Variants in CFAP61 observed in about 807,000 individuals in gnomAD.
The protein encoded by CFAP61 is cilia- and flagella-associated protein 61.
CFAP61 carries 107 observed loss-of-function variants against 135.6 expected under a neutral mutation model. The ratio of observed to expected loss-of-function variants is 0.79; its 90% CI spans 0.67 to 0.93. CFAP61 has a LOEUF of 0.93. CFAP61 is among the 40% of genes least tolerant of loss of function. The pLI, the probability that CFAP61 is intolerant of heterozygous loss-of-function variation, is 0.00. For missense variants in CFAP61, 1,507 were observed against 1,556.2 expected (o/e 0.97, Z 0.53); for synonymous variants, 575 against 578.5 (o/e 0.99, Z 0.09).
Position 20,281,986 on chromosome 20 carries a change from A to G in CFAP61, c.2796+4528A>G, listed in dbSNP as rs951220116. Among the ~76,000 whole-genome samples, 9 of 152,316 alleles carry G rather than the reference A, an allele frequency of 5.9e-5. No homozygotes were observed. The East Asian group carries it at 1.7e-3, about 29-fold the overall frequency. ...TTCTGCTTCTTCTATAAATTTTTGT[A>G]AGTTGTAATTTTTAAGAAATTTGTC... is the stretch of plus-strand genomic sequence containing the variant. On this transcript the variant is annotated intron_variant, in intron 22 of 26. Transcript: ENST00000245957.
rs139505948 is a variant in CFAP61 at position 20,176,180 on chromosome 20, G to A, written c.1385+6720G>A. ...AGCATCTCATGCCAATCAGAATGGC[G>A]ATTATTAAAAAGTCAAGCAACAACA... On this transcript the variant is annotated intron_variant, in intron 13 of 26. Coordinates refer to ENST00000245957, the MANE Select transcript of CFAP61 (RefSeq NM_015585.4). Among the ~76,000 whole-genome samples, 108 of 152,148 alleles carry A rather than the reference G, an allele frequency of 7.1e-4. 1 individual carries two copies. The highest frequency in any genetic ancestry group is 2.4e-3 in the African/African-American group (101 of 41,518).
At chr20:20,060,118 A>G (rs192051836) in intron 2 of CFAP61, among the ~76,000 whole-genome samples, 104 of 152,232 alleles carry the variant, frequency 6.8e-4, no homozygotes, top group African/African-American at 2.5e-3. Context: ...ACTAAAGATT[A>G]GACTAATAGA....
chr20:20,227,695 T>C (rs1162732611), intron 17 of CFAP61, among the ~76,000 whole-genome samples: 1 of 152,200 alleles, frequency 6.6e-6, no homozygotes, highest in East Asian at 1.9e-4. Context: ...TGAATGCATT[T>C]TTGCCATTTA....
chr20:20,325,140 C>T (rs1313490703), intron 25 of CFAP61, among the ~76,000 whole-genome samples: 1 of 152,174 alleles, frequency 6.6e-6, no homozygotes, highest in Non-Finnish European at 1.5e-5. Flanking sequence ...CACATACCCT[C>T]CTCCACCCCC....
At chr20:20,213,619 G>A (rs1278639296) in intron 17 of CFAP61, among the ~76,000 whole-genome samples, 1 of 151,890 alleles carries the variant, frequency 6.6e-6, no homozygotes, top group Non-Finnish European at 1.5e-5. Context: ...AGAAATCTAT[G>A]TATTATTAAA....
chr20:20,235,619 C>G (rs1474334137), intron 18 of CFAP61, among the ~76,000 whole-genome samples: 1 of 152,208 alleles, frequency 6.6e-6, no homozygotes, highest in African/African-American at 2.4e-5. Context: ...TTCCTCAGCT[C>G]TGCACCTGCC....
At chr20:20,177,260 A>AT (rs1428152604) in intron 13 of CFAP61, among the ~76,000 whole-genome samples, 2 of 151,868 alleles carry the variant, frequency 1.3e-5, no homozygotes, top group Admixed American at 6.6e-5. Flanking sequence ...TTCTAAAACC[A>AT]TTTTTTGCAT....
At chr20:20,252,666 C>A (rs1184431370) in intron 20 of CFAP61, among the ~76,000 whole-genome samples, 1 of 152,128 alleles carries the variant, frequency 6.6e-6, no homozygotes, top group East Asian at 1.9e-4. Context: ...AGATTAGACA[C>A]CCCACTTAGA....
intron 8 of CFAP61, among the ~76,000 whole-genome samples, chr20:20,099,206 A>G (rs2047826603): frequency 6.6e-6 from 1 of 152,036 alleles, no homozygotes; most frequent in South Asian, 2.1e-4. Flanking sequence ...GAAATTTTTT[A>G]TGCTTTTAAG....
chr20:20,182,250 A>G (rs1601235474), intron 13 of CFAP61, among the ~76,000 whole-genome samples: 1 of 152,274 alleles, frequency 6.6e-6, no homozygotes, highest in Non-Finnish European at 1.5e-5. Context: ...ATGACATAAT[A>G]TATATTTTTA....
At chr20:20,116,748 C>G (rs1349267864) in intron 8 of CFAP61, among the ~76,000 whole-genome samples, 1 of 152,096 alleles carries the variant, frequency 6.6e-6, no homozygotes, top group African/African-American at 2.4e-5. Context: ...CTCTTTCTCT[C>G]CCCCACCCCT....
chr20:20,090,963 C>G lies in CFAP61; in HGVS notation c.686C>G (p.Ala229Gly). Residue 229 changes from alanine (A) to glycine (G), a missense_variant, in exon 7 of 27, where the codon GCT becomes GGT. Physicochemically the swap from Ala to Gly is moderately conservative, Grantham distance 60. Coordinates refer to ENST00000245957, the MANE Select transcript of CFAP61 (RefSeq NM_015585.4). ...LIEAQDEENH[A>G]VVCEVEGTAV... Reference sequence around the variant, plus strand: ...GAGGCCCAAGATGAAGAGAATCATGCTGTTGTGTGTGAGGTCAGTGACTGA... The same window carrying G: ...GAGGCCCAAGATGAAGAGAATCATGGTGTTGTGTGTGAGGTCAGTGACTGA... 1 of 1,614,084 alleles carries G rather than the reference C, an allele frequency of 6.2e-7. No individual in the cohort carries two copies.
At chr20:20,334,355 G>A (rs1301386947) in intron 25 of CFAP61, among the ~76,000 whole-genome samples, 1 of 152,182 alleles carries the variant, frequency 6.6e-6, no homozygotes, top group East Asian at 1.9e-4. Flanking sequence ...TCGAACTCCT[G>A]ACCTCAAGTG....
Position 20,063,889 on chromosome 20 carries a change from C to T in CFAP61, c.144-6965C>T, listed in dbSNP as rs906275652. On this transcript the variant is annotated intron_variant, in intron 2 of 26. Coordinates refer to ENST00000245957, the MANE Select transcript of CFAP61 (RefSeq NM_015585.4). ...AACCCATTGCATTTTTATATACTAACAATGAACAGAAAACATTTTTCTATT... is the reference window on the plus strand; with the variant it reads ...AACCCATTGCATTTTTATATACTAATAATGAACAGAAAACATTTTTCTATT... 8.5e-5 allele frequency among the ~76,000 whole-genome samples: 13 copies of T among 152,260 alleles called. No homozygotes were observed. In the South Asian group the frequency reaches 1.0e-3, roughly 12 times the overall value.
chr20:20,076,226 G>A (rs564924369), intron 6 of CFAP61, among the ~76,000 whole-genome samples: 14 of 152,158 alleles, frequency 9.2e-5, no homozygotes, highest in African/African-American at 1.9e-4. Flanking sequence ...CCAGTAGACC[G>A]TGGCCAAAGG....
intron 20 of CFAP61, chr20:20,253,368 C>G (rs533939499): frequency 9.7e-6 from 2 of 206,654 alleles, no homozygotes; most frequent in South Asian, 1.4e-4. Context: ...TTCTGCGCAG[C>G]CTCTTCTGGT....
intron 13 of CFAP61, among the ~76,000 whole-genome samples, chr20:20,174,763 T>TAA (rs11087311): frequency 0.2 from 30,478 of 150,992 alleles, 3,441 homozygotes; most frequent in African/African-American, 0.29. Flanking sequence ...ATGTTTGTAT[T>TAA]AAAAAAAAAT....
intron 17 of CFAP61, among the ~76,000 whole-genome samples, chr20:20,209,012 G>A (rs1449869824): frequency 6.6e-6 from 1 of 152,220 alleles, no homozygotes. Flanking sequence ...CCTTCTGCAT[G>A]TACTCATCTA....
At chr20:20,200,923 C>G (rs570206365) in intron 17 of CFAP61, 12 of 985,262 alleles carry the variant, frequency 1.2e-5, no homozygotes, top group Admixed American at 6.1e-5. Context: ...GCACCTCCAT[C>G]AGACCAACTC....
Sources: allele counts gnomAD v4.1 joint callset (sites outside exome capture counted in the v4.1 genomes callset), GRCh38; gene constraint gnomAD v4.1.1; transcripts MANE v1.5; gene names NCBI Gene and HGNC (gene_info 2026-07-23, HGNC 2026-07-21).